CDH4: variants seen among roughly 807,000 people sequenced by gnomAD.
The protein encoded by CDH4 is cadherin-4.
In CDH4, 33 loss-of-function variants were observed where a neutral mutation model predicts 86.0. The observed-to-expected ratio is 0.38, with a 90% CI of 0.29 to 0.51. CDH4 has a LOEUF of 0.51. Ranked by LOEUF, CDH4 falls within the 20% of genes least tolerant of loss-of-function variation. The pLI is 0.86. For missense variants in CDH4, 1,114 were observed against 1,307.4 expected (o/e 0.85, Z 2.28); for synonymous variants, 555 against 549.4 (o/e 1.01, Z -0.14).
chr20:61,273,544 G>A (rs1600823064), intron 2 of CDH4, among the ~76,000 whole-genome samples: 1 of 139,984 alleles, frequency 7.1e-6, no homozygotes, highest in Non-Finnish European at 1.5e-5. Context: ...AGTACCGTGT[G>A]CAGTTTGGAG....
At chr20:61,329,007 G>A (rs949055122) in intron 2 of CDH4, among the ~76,000 whole-genome samples, 7 of 152,112 alleles carry the variant, frequency 4.6e-5, no homozygotes, top group Admixed American at 1.3e-4. Flanking sequence ...TCCCTTAACC[G>A]TGCTCGGAAC....
chr20:61,775,791 T>G (rs139151515), intron 4 of CDH4, among the ~76,000 whole-genome samples: 103 of 152,346 alleles, frequency 6.8e-4, no homozygotes, highest in African/African-American at 2.4e-3. Flanking sequence ...TCTGTTATCT[T>G]AGCACAACTG....
At chr20:61,852,538 G>C (rs1025471250) in intron 5 of CDH4, among the ~76,000 whole-genome samples, 54 of 152,194 alleles carry the variant, frequency 3.5e-4, no homozygotes, top group African/African-American at 1.2e-3. Flanking sequence ...TTCCAGCTCT[G>C]TGCGTCGCCC....
At chr20:61,706,228 C>T (rs2087828158) in intron 2 of CDH4, among the ~76,000 whole-genome samples, 1 of 152,120 alleles carries the variant, frequency 6.6e-6, no homozygotes, top group Non-Finnish European at 1.5e-5. Context: ...GACCCTGTCT[C>T]AGAGGGTCTG....
rs561122922 is a variant in CDH4, at chr20:61,387,882, C to T, written c.169+132945C>T. ...CCCCTCTGGCCCCGCCCCAGGTCTC[C>T]ACTGCCGCCCAGATCCACTGTCTCT... On this transcript the variant is annotated intron_variant, in intron 2 of 15. Transcript: ENST00000614565. Among the ~76,000 whole-genome samples, 819 of 152,256 alleles carry T rather than the reference C, an allele frequency of 5.4e-3. 5 individuals are homozygous for T. The highest frequency in any genetic ancestry group is 0.012 in the South Asian group (58 of 4,818).
At chr20:61,277,740 G>T (rs2084238349) in intron 2 of CDH4, among the ~76,000 whole-genome samples, 3 of 152,238 alleles carry the variant, frequency 2.0e-5, no homozygotes, top group Non-Finnish European at 4.4e-5. Context: ...TTGCCCCTCT[G>T]TGGGCCATGT....
chr20:61,450,005 C>T (rs529752301), intron 2 of CDH4, among the ~76,000 whole-genome samples: 2 of 152,328 alleles, frequency 1.3e-5, no homozygotes, highest in Admixed American at 1.3e-4. Flanking sequence ...GAGCAGGTGC[C>T]GTTTGCAGCA....
At chr20:61,871,353 A>G (rs1983796355) in intron 6 of CDH4, among the ~76,000 whole-genome samples, 1 of 152,126 alleles carries the variant, frequency 6.6e-6, no homozygotes, top group African/African-American at 2.4e-5. Flanking sequence ...GTCAGCTTGA[A>G]GTCTTCTCAT....
intron 4 of CDH4, among the ~76,000 whole-genome samples, chr20:61,816,031 C>T (rs1392623292): frequency 6.6e-6 from 1 of 152,148 alleles, no homozygotes; most frequent in Non-Finnish European, 1.5e-5. Flanking sequence ...AGCTGCATTT[C>T]AGAACAAACT....
At chr20:61,297,606 C>T (rs967407753) in intron 2 of CDH4, among the ~76,000 whole-genome samples, 1 of 152,236 alleles carries the variant, frequency 6.6e-6, no homozygotes, top group Non-Finnish European at 1.5e-5. Context: ...TTTCCAAAGC[C>T]GGGGCGGTGC....
At chr20:61,533,565 G>C (rs992911415) in intron 2 of CDH4, among the ~76,000 whole-genome samples, 2 of 152,234 alleles carry the variant, frequency 1.3e-5, no homozygotes, top group Non-Finnish European at 2.9e-5. Context: ...CTGGAGGTAG[G>C]AGCACTGTCC....
At chr20:61,936,510 G>A (rs1156305784) in intron 15 of CDH4, among the ~76,000 whole-genome samples, 1 of 141,818 alleles carries the variant, frequency 7.1e-6, no homozygotes, top group African/African-American at 2.7e-5. Context: ...ACAGACTGCT[G>A]CTGGATTTGA....
At chr20:61,919,316 G>A (rs959537207) in intron 9 of CDH4, among the ~76,000 whole-genome samples, 3 of 152,334 alleles carry the variant, frequency 2.0e-5, no homozygotes, top group South Asian at 2.1e-4. Context: ...TGGTGGCCCC[G>A]GAGATGGGGT....
chr20:61,453,710 A>G (rs2085392341), intron 2 of CDH4, among the ~76,000 whole-genome samples: 1 of 152,168 alleles, frequency 6.6e-6, no homozygotes, highest in South Asian at 2.1e-4. Context: ...GAATTATAAG[A>G]TATAATCTGA....
chr20:61,377,901 G>A lies in CDH4; in HGVS notation c.169+122964G>A, dbSNP rs2084880867. Reference sequence around the variant, plus strand: ...GGAATTAGCTCACACATCCCTTCATGTGCCGTGATGTTGACTCACGTGATC... The same window carrying A: ...GGAATTAGCTCACACATCCCTTCATATGCCGTGATGTTGACTCACGTGATC... On this transcript the variant is annotated intron_variant, in intron 2 of 15. Transcript: ENST00000614565. The surrounding 1 kb of genome is among the most constrained non-coding windows in gnomAD (Gnocchi z 4.0). 6.6e-6 allele frequency among the ~76,000 whole-genome samples: 1 copy of A among 152,226 alleles called. No individual in the cohort carries two copies. The highest frequency in any genetic ancestry group is 2.1e-4 in the South Asian group (1 of 4,836).
chr20:61,827,940 C>A (rs1981400008), intron 4 of CDH4, among the ~76,000 whole-genome samples: 1 of 152,134 alleles, frequency 6.6e-6, no homozygotes, highest in African/African-American at 2.4e-5. Flanking sequence ...ATAAATAAAT[C>A]TCACGGGTCA....
chr20:61,795,992 C>T (rs1257385197), intron 4 of CDH4, among the ~76,000 whole-genome samples: 2 of 152,126 alleles, frequency 1.3e-5, no homozygotes, highest in Non-Finnish European at 2.9e-5. Flanking sequence ...TACCTTAATC[C>T]ATGCTTCCCC....
At chr20:61,404,614 A>G (rs530283417) in intron 2 of CDH4, among the ~76,000 whole-genome samples, 2 of 152,170 alleles carry the variant, frequency 1.3e-5, no homozygotes, top group South Asian at 4.2e-4. Context: ...AGAAAATTGC[A>G]TTCTGTTTTC....
At chr20:61,493,288 C>A (rs184142579) in intron 2 of CDH4, among the ~76,000 whole-genome samples, 96 of 152,244 alleles carry the variant, frequency 6.3e-4, no homozygotes, top group Admixed American at 1.0e-3. Context: ...AGATTTGTTT[C>A]CATCATATGT....
Sources: gnomAD v4.1 joint callset for allele counts (sites outside exome capture counted in the v4.1 genomes callset) on GRCh38, gnomAD v4.1.1 for gene constraint, Gnocchi (gnomAD v3.1) non-coding constraint, MANE v1.5 for transcripts, NCBI Gene and HGNC (gene_info 2026-07-23, HGNC 2026-07-21) for gene names.